The following DLGAP1 variants were observed in gnomAD, a reference collection of about 807,000 sequenced individuals.
DLGAP1 encodes DLG associated protein 1, also known as disks large-associated protein 1.
DLGAP1 carries 11 observed loss-of-function variants against 90.8 expected under a neutral mutation model. The ratio of observed to expected loss-of-function variants is 0.12; its 90% CI spans 0.08 to 0.20. The LOEUF (loss-of-function observed/expected upper bound fraction) is 0.20, where lower values mean the gene tolerates loss of function less well. Ranked by LOEUF, DLGAP1 falls within the 10% of genes least tolerant of loss-of-function variation. The pLI, the probability that DLGAP1 is intolerant of heterozygous loss-of-function variation, is 1.00. For missense variants in DLGAP1, 1,050 were observed against 1,333.8 expected, an observed-to-expected ratio of 0.79 and a Z score of 3.31; for synonymous variants, 558 against 540.7, an observed-to-expected ratio of 1.03 and a Z score of -0.44.
intron 7 of DLGAP1, among the ~76,000 whole-genome samples, chr18:3,637,872 C>G (rs1167508744): frequency 1.3e-5 from 2 of 151,584 alleles, no homozygotes; most frequent in African/African-American, 4.9e-5. Context: ...TTCTTTGGCA[C>G]CTAATGTATT....
At chr18:3,659,332 C>T (rs948854324) in intron 7 of DLGAP1, among the ~76,000 whole-genome samples, 3 of 151,104 alleles carry the variant, frequency 2.0e-5, no homozygotes, top group East Asian at 3.9e-4. Context: ...TAGACATTAT[C>T]TGGTGTGTGG....
At chr18:4,213,798 A>G (rs2077895495) in intron 1 of DLGAP1, among the ~76,000 whole-genome samples, 1 of 152,206 alleles carries the variant, frequency 6.6e-6, no homozygotes. Flanking sequence ...AGATTTAAGT[A>G]GTGACAAGCC....
rs575495567 is a variant in DLGAP1 at position 3,899,275 on chromosome 18, A to G, written c.-72-19135T>C. ...ACTGCTGAAGGGGTTTGCTTCCTTT[A>G]CCCAAATCTGTGTCAGGAAAAAACT... is the stretch of plus-strand genomic sequence containing the variant. On this transcript the variant is annotated intron_variant, in intron 3 of 12. Transcript: ENST00000315677. Among the ~76,000 whole-genome samples, 61 of 152,250 alleles carry G rather than the reference A, an allele frequency of 4.0e-4. 1 individual carries two copies. The South Asian group carries it at 7.7e-3, about 19-fold the overall frequency.
intron 2 of DLGAP1, among the ~76,000 whole-genome samples, chr18:4,148,173 G>A (rs1013591792): frequency 5.3e-5 from 8 of 151,892 alleles, no homozygotes; most frequent in South Asian, 2.1e-4. Flanking sequence ...AAAATAAAGC[G>A]GGCTAGATAA....
intron 1 of DLGAP1, among the ~76,000 whole-genome samples, chr18:4,191,438 A>G (rs780085285): frequency 6.6e-5 from 10 of 152,208 alleles, no homozygotes; most frequent in Non-Finnish European, 1.5e-4. Context: ...ATTTAATTAT[A>G]ACTCAAAAAT....
intron 10 of DLGAP1, among the ~76,000 whole-genome samples, chr18:3,532,802 C>A (rs142660372): frequency 8.7e-4 from 132 of 152,162 alleles, no homozygotes; most frequent in African/African-American, 2.9e-3. Flanking sequence ...GGAAAATAAA[C>A]ATACAACATT....
At chr18:3,791,842 G>T (rs1175497300) in intron 5 of DLGAP1, among the ~76,000 whole-genome samples, 1 of 152,132 alleles carries the variant, frequency 6.6e-6, no homozygotes, top group Non-Finnish European at 1.5e-5. Context: ...AGCTCAGGAG[G>T]TTGAGGCTGC....
chr18:3,595,085 T>C (rs1268399118), intron 7 of DLGAP1, among the ~76,000 whole-genome samples: 1 of 152,196 alleles, frequency 6.6e-6, no homozygotes, highest in African/African-American at 2.4e-5. Context: ...CCTTCTTCCT[T>C]TTGGGAACTG....
At chr18:3,574,961 C>A (rs2055032039) in intron 8 of DLGAP1, among the ~76,000 whole-genome samples, 1 of 151,536 alleles carries the variant, frequency 6.6e-6, no homozygotes, top group African/African-American at 2.4e-5. Flanking sequence ...ACTACAGGCG[C>A]CCGCCACCAC....
chr18:3,691,121 A>G (rs2060879755), intron 7 of DLGAP1, among the ~76,000 whole-genome samples: 1 of 152,140 alleles, frequency 6.6e-6, no homozygotes, highest in Non-Finnish European at 1.5e-5. Flanking sequence ...TTGATATGCT[A>G]ATTCGAAAAA....
chr18:4,282,779 A>T (rs2079584794), intron 1 of DLGAP1, among the ~76,000 whole-genome samples: 1 of 152,248 alleles, frequency 6.6e-6, no homozygotes. Flanking sequence ...CTGCTTTACC[A>T]GTTACGACAC....
intron 2 of DLGAP1, among the ~76,000 whole-genome samples, chr18:4,133,478 C>T (rs757588924): frequency 5.9e-5 from 9 of 152,100 alleles, no homozygotes; most frequent in Non-Finnish European, 7.4e-5. Flanking sequence ...CTTTTACAAC[C>T]CTGATCCTAA....
At chr18:3,948,360 C>T (rs1406187911) in intron 3 of DLGAP1, among the ~76,000 whole-genome samples, 2 of 152,132 alleles carry the variant, frequency 1.3e-5, no homozygotes, top group African/African-American at 4.8e-5. Flanking sequence ...CTGGATCCCC[C>T]TTCCTTTTTC....
intron 7 of DLGAP1, among the ~76,000 whole-genome samples, chr18:3,699,194 G>A (rs2061195396): frequency 6.6e-6 from 1 of 152,126 alleles, no homozygotes; most frequent in South Asian, 2.1e-4. Context: ...TGCTGGCGAG[G>A]AGTTGTGATC....
intron 5 of DLGAP1, among the ~76,000 whole-genome samples, chr18:3,812,850 T>C (rs1349787836): frequency 6.6e-6 from 1 of 152,224 alleles, no homozygotes; most frequent in Non-Finnish European, 1.5e-5. Context: ...ACTGCTTTGA[T>C]TTTTTGTTTT....
At chr18:3,613,606 G>A (rs1242444502) in intron 7 of DLGAP1, among the ~76,000 whole-genome samples, 1 of 152,188 alleles carries the variant, frequency 6.6e-6, no homozygotes, top group East Asian at 1.9e-4. Context: ...TAAGTGTTGG[G>A]ATTACAGGCA....
At chr18:3,703,565 T>C (rs1325994316) in intron 7 of DLGAP1, among the ~76,000 whole-genome samples, 1 of 152,236 alleles carries the variant, frequency 6.6e-6, no homozygotes, top group Non-Finnish European at 1.5e-5. Flanking sequence ...CGAGTGGCTG[T>C]TGTCCACTTG....
chr18:3,551,726 T>TCCTTCCTTCCTCCCTC (rs2053476971), intron 9 of DLGAP1, among the ~76,000 whole-genome samples: 1 of 5,382 alleles, frequency 1.9e-4, no homozygotes, highest in Non-Finnish European at 3.2e-4. Flanking sequence ...CTCCCTCCCT[T>TCCTTCCTTCCTCCCTC]CCTTCCTTCC....
At chr18:4,440,279 A>G (rs1416736425) in intron 1 of DLGAP1, among the ~76,000 whole-genome samples, 1 of 152,146 alleles carries the variant, frequency 6.6e-6, no homozygotes, top group Non-Finnish European at 1.5e-5. Flanking sequence ...CATTCATCTT[A>G]TATGATTGTG....
Sources: allele counts gnomAD v4.1 joint callset (sites outside exome capture counted in the v4.1 genomes callset), GRCh38; gene constraint gnomAD v4.1.1; transcripts MANE v1.5; gene names NCBI Gene and HGNC (gene_info 2026-07-23, HGNC 2026-07-21).